The following PARP11 variants were observed in gnomAD, a reference collection of about 807,000 sequenced individuals.
PARP11 encodes the protein protein mono-ADP-ribosyltransferase PARP11.
A neutral mutation model predicts 42.9 loss-of-function variants in PARP11; 31 were observed. That is an observed-to-expected ratio of 0.72 (90% CI 0.54 to 0.98). The LOEUF is 0.98. Among genes scored for constraint, PARP11 ranks in the 50% least tolerant of loss-of-function variants. The pLI is 0.00. For missense variants in PARP11, 365 were observed against 413.1 expected (o/e 0.88, Z 1.01); for synonymous variants, 137 against 127.3 (o/e 1.08, Z -0.51).
intron 3 of PARP11, among the ~76,000 whole-genome samples, chr12:3,828,702 T>C (rs1354414462): frequency 1.3e-5 from 2 of 152,206 alleles, no homozygotes; most frequent in East Asian, 1.9e-4. Context: ...CATACATTAA[T>C]ATATACAAAC....
chr12:3,862,636 T>C (rs1041337037), intron 1 of PARP11, among the ~76,000 whole-genome samples: 2 of 150,888 alleles, frequency 1.3e-5, no homozygotes, highest in African/African-American at 4.9e-5. Context: ...TAGCAAAGTA[T>C]GGAGTGACGT....
At chr12:3,842,529 G>C in intron 1 of PARP11, 2 of 1,540,532 alleles carry the variant, frequency 1.3e-6, no homozygotes, top group African/African-American at 1.4e-5. Context: ...GGTTGTTGCC[G>C]AAGTATTTTC....
At chr12:3,844,797 A>G (rs1947966304) in intron 1 of PARP11, among the ~76,000 whole-genome samples, 2 of 152,168 alleles carry the variant, frequency 1.3e-5, no homozygotes, top group African/African-American at 4.8e-5. Context: ...CTGACTTTTG[A>G]TAGTTTTAAA....
intron 1 of PARP11, among the ~76,000 whole-genome samples, chr12:3,852,114 A>G (rs563917435): frequency 5.3e-5 from 8 of 152,350 alleles, no homozygotes; most frequent in Non-Finnish European, 1.0e-4. Flanking sequence ...TATTCACACC[A>G]AAACCCCATC....
intron 1 of PARP11, among the ~76,000 whole-genome samples, chr12:3,835,124 C>CA (rs1027760752): frequency 7.3e-5 from 11 of 150,398 alleles, no homozygotes; most frequent in East Asian, 5.8e-4. Context: ...AAATGCAGGA[C>CA]AAAAAAAAAT....
At chr12:3,841,506 T>C in intron 1 of PARP11, 1 of 1,550,824 alleles carries the variant, frequency 6.4e-7, no homozygotes, top group Non-Finnish European at 8.9e-7. Flanking sequence ...GTGTTAATGG[T>C]CAAATGCTAC....
chr12:3,829,027 C>A lies in PARP11; in HGVS notation c.151G>T (p.Asp51Tyr), dbSNP rs1205573428. The change falls in exon 3 of 8, where the codon GAT (aspartate) becomes TAT (tyrosine). Residue 51 changes from aspartate (D) to tyrosine (Y), a missense_variant. Coordinates refer to ENST00000228820, the MANE Select transcript of PARP11 (RefSeq NM_020367.6). Reference protein sequence around the residue: ...ECGKWHMFQPDTNSQCSVSSE... With the variant: ...ECGKWHMFQPYTNSQCSVSSE... ...CTAACTGAACACTGACTGTTGGTAT[C>A]CGGCTTTAAGACAAACCAGAAAGTT... 2 of 1,613,728 alleles carry A rather than the reference C, an allele frequency of 1.2e-6. No individual in the cohort carries two copies. Among genetic ancestry groups the A allele is most frequent in the Non-Finnish European group, 1.7e-6 (2 of 1,179,796 alleles).
chr12:3,821,735 G>A, intron 6 of PARP11, 138 bp downstream of exon 6: 1 of 850,818 alleles, frequency 1.2e-6, no homozygotes, highest in South Asian at 1.6e-5. Flanking sequence ...ATGCTGAAGA[G>A]CCTTGAGACC....
chr12:3,845,990 T>C (rs1477967531), intron 1 of PARP11, among the ~76,000 whole-genome samples: 2 of 152,220 alleles, frequency 1.3e-5, no homozygotes, highest in Non-Finnish European at 2.9e-5. Context: ...AGCCTTACAC[T>C]GAGTACAAAT....
At chr12:3,829,158 G>T in intron 2 of PARP11, 128 bp from the exon 3 acceptor site, 1 of 892,116 alleles carries the variant, frequency 1.1e-6, no homozygotes, top group Non-Finnish European at 1.7e-6. Context: ...ACCTGTTCTA[G>T]TTCCCAACAC....
intron 1 of PARP11, among the ~76,000 whole-genome samples, chr12:3,852,436 A>G (rs184786996): frequency 1.6e-4 from 25 of 152,310 alleles, no homozygotes; most frequent in African/African-American, 5.8e-4. Context: ...GTAAGAGAAG[A>G]CCTTAAATGA....
At chr12:3,825,965 G>A (rs1047574268) in intron 4 of PARP11, among the ~76,000 whole-genome samples, 193 bp downstream of exon 4, 5 of 152,096 alleles carry the variant, frequency 3.3e-5, no homozygotes, top group Admixed American at 6.6e-5. Context: ...CTCCTGACTC[G>A]TGATCAGGCC....
intron 7 of PARP11, among the ~76,000 whole-genome samples, chr12:3,812,852 G>A (rs761764581): frequency 6.6e-6 from 1 of 152,124 alleles, no homozygotes; most frequent in Non-Finnish European, 1.5e-5. Flanking sequence ...TCCCAAGCTG[G>A]AGTGCAGTGG....
intron 1 of PARP11, among the ~76,000 whole-genome samples, chr12:3,830,478 A>G (rs1046650285): frequency 2.6e-5 from 4 of 152,186 alleles, no homozygotes; most frequent in African/African-American, 9.7e-5. Flanking sequence ...AAAGATTACA[A>G]AAAAATAGAA....
chr12:3,830,936 T>C (rs1456911742), intron 1 of PARP11, among the ~76,000 whole-genome samples: 1 of 152,222 alleles, frequency 6.6e-6, no homozygotes, highest in African/African-American at 2.4e-5. Flanking sequence ...CACATATGCA[T>C]TATCTTTGAA....
intron 1 of PARP11, among the ~76,000 whole-genome samples, chr12:3,849,258 C>CAA (rs146114938): frequency 6.7e-6 from 1 of 148,774 alleles, no homozygotes; most frequent in African/African-American, 2.5e-5. Flanking sequence ...GGAGGTACCT[C>CAA]AAAAAAAAAT....
chr12:3,841,866 T>G, intron 1 of PARP11: 1 of 1,608,754 alleles, frequency 6.2e-7, no homozygotes, highest in Non-Finnish European at 8.5e-7. Context: ...AAAATCTGGA[T>G]CTGTCTAAAG....
At chr12:3,832,489 TTCTCC>T (rs1947664483) in intron 1 of PARP11, among the ~76,000 whole-genome samples, 1 of 152,208 alleles carries the variant, frequency 6.6e-6, no homozygotes, top group African/African-American at 2.4e-5. Context: ...GGACAGTTAT[TTCTCC>T]TCTCCTATGT....
Position 3,821,977 on chromosome 12 carries a change from A to T in PARP11, c.444T>A (p.His148Gln). The change falls in exon 6 of 8, where the codon CAT (histidine) becomes CAA (glutamine). Residue 148 changes from histidine to glutamine, a missense_variant. Physicochemically the swap from His to Gln is conservative, Grantham distance 24. Transcript: ENST00000228820. ...AGAGATTAGCAACTTCATTATATTC[A>T]TGTGTTTGATTGTGCAGAGGAATAA... ...YQLIPLHNQT[H>Q]EYNEVANLFG... 1.2e-6 allele frequency: 2 copies of T among 1,609,752 alleles called. No homozygotes were observed. Among genetic ancestry groups the T allele is most frequent in the Non-Finnish European group, 1.7e-6 (2 of 1,178,604 alleles).
Sources: gnomAD v4.1 joint callset for allele counts (sites outside exome capture counted in the v4.1 genomes callset) on GRCh38, gnomAD v4.1.1 for gene constraint, MANE v1.5 for transcripts, NCBI Gene and HGNC (gene_info 2026-07-23, HGNC 2026-07-21) for gene names.